Variants in KANSL1 observed in about 807,000 individuals in gnomAD.
KANSL1 encodes MLL1/MLL complex subunit KANSL1.
KANSL1 carries 22 observed loss-of-function variants against 103.6 expected under a neutral mutation model. The ratio of observed to expected loss-of-function variants is 0.21; its 90% confidence interval spans 0.15 to 0.30. The LOEUF (loss-of-function observed/expected upper bound fraction) is 0.30, where lower values mean the gene tolerates loss of function less well. Among genes scored for constraint, KANSL1 ranks in the 10% least tolerant of loss-of-function variants. The pLI is 1.00. For missense variants in KANSL1, 1,337 were observed against 1,399.8 expected, an observed-to-expected ratio of 0.96 and a Z score of 0.72; for synonymous variants, 600 against 527.6, an observed-to-expected ratio of 1.14 and a Z score of -1.88.
chr17:46,185,546 T>C (rs2046979652), intron 1 of KANSL1, among the ~76,000 whole-genome samples: 1 of 152,098 alleles, frequency 6.6e-6, no homozygotes, highest in Non-Finnish European at 1.5e-5. Flanking sequence ...AGAAATATTC[T>C]CATAGGTACT....
intron 1 of KANSL1, among the ~76,000 whole-genome samples, chr17:46,201,473 C>T (rs1178804037): frequency 6.6e-6 from 1 of 152,206 alleles, no homozygotes; most frequent in African/African-American, 2.4e-5. Flanking sequence ...TGAGTGCCAA[C>T]ATGACACCTC....
rs150318506 is a variant in KANSL1, at chr17:46,119,278, T to G, written c.1290-24577A>C. Among the ~76,000 whole-genome samples the G allele has an allele frequency of 2.5e-3, 376 of 152,112 alleles. 2 individuals carry two copies. Among genetic ancestry groups the G allele is most frequent in the African/African-American group, 7.9e-3 (327 of 41,480 alleles). On this transcript the variant is annotated intron_variant, in intron 2 of 14. Transcript: ENST00000432791. ...GAAGCAAGCACAGGTAAAATCTACA[T>G]CTGTATACGGGTAATCTGGCTCCAG...
intron 2 of KANSL1, among the ~76,000 whole-genome samples, chr17:46,106,783 T>G (rs2042585856): frequency 6.6e-6 from 1 of 152,166 alleles, no homozygotes. Flanking sequence ...AAAAATTAAT[T>G]TGTTAATAAA....
intron 4 of KANSL1, among the ~76,000 whole-genome samples, chr17:46,074,093 C>A (rs1474891195): frequency 3.3e-5 from 5 of 152,030 alleles, no homozygotes; most frequent in African/African-American, 1.2e-4. Context: ...TAACAATGAG[C>A]ACAACTAGTA....
intron 6 of KANSL1, 39 bp downstream of exon 6, chr17:46,066,498 C>G (rs754835983): frequency 5.3e-6 from 8 of 1,522,938 alleles, no homozygotes; most frequent in Non-Finnish European, 7.1e-6. Context: ...GAGCATCTGG[C>G]TCACTGCTTG....
At chr17:46,105,408 G>C (rs2042488772) in intron 2 of KANSL1, among the ~76,000 whole-genome samples, 1 of 152,114 alleles carries the variant, frequency 6.6e-6, no homozygotes, top group African/African-American at 2.4e-5. Flanking sequence ...CTTGAGGTCA[G>C]GAGTTCAAGA....
At chr17:46,090,882 G>A (rs1160240444) in intron 3 of KANSL1, among the ~76,000 whole-genome samples, 9 of 152,164 alleles carry the variant, frequency 5.9e-5, no homozygotes, top group African/African-American at 1.7e-4. Flanking sequence ...TGTACACTAA[G>A]AATATAATAG....
intron 2 of KANSL1, among the ~76,000 whole-genome samples, chr17:46,123,103 G>A (rs1009095080): frequency 5.9e-5 from 9 of 152,360 alleles, no homozygotes; most frequent in African/African-American, 1.4e-4. Context: ...GAGACGGGGC[G>A]CAGTGGCTCA....
intron 4 of KANSL1, among the ~76,000 whole-genome samples, chr17:46,080,196 A>G (rs2146801373): frequency 6.6e-6 from 1 of 151,528 alleles, no homozygotes; most frequent in Non-Finnish European, 1.5e-5. Context: ...TTTAAACTAC[A>G]AGTCTTCAAA....
chr17:46,149,627 G>A (rs1195920982), intron 2 of KANSL1, among the ~76,000 whole-genome samples: 1 of 152,184 alleles, frequency 6.6e-6, no homozygotes, highest in Non-Finnish European at 1.5e-5. Flanking sequence ...TGGCATACAG[G>A]GCATAGTCTG....
intron 6 of KANSL1, 100 bp from the exon 7 acceptor site, chr17:46,050,804 T>C (rs2077686380): frequency 1.3e-5 from 13 of 1,013,048 alleles, no homozygotes; most frequent in Non-Finnish European, 1.7e-5. Context: ...AGCTCCCCAT[T>C]TGTTATTGCG....
At chr17:46,202,070 T>C (rs573398117) in intron 1 of KANSL1, among the ~76,000 whole-genome samples, 1 of 152,132 alleles carries the variant, frequency 6.6e-6, no homozygotes, top group Admixed American at 6.5e-5. Context: ...ACCAGCTACC[T>C]GGGAGGCTGA....
At chr17:46,114,379 A>T (rs531619256) in intron 2 of KANSL1, among the ~76,000 whole-genome samples, 1 of 152,134 alleles carries the variant, frequency 6.6e-6, no homozygotes, top group Non-Finnish European at 1.5e-5. Context: ...AAACAAAAAA[A>T]CTAAAACATC....
At chr17:46,199,369 A>G (rs988859973) in intron 1 of KANSL1, among the ~76,000 whole-genome samples, 1 of 152,268 alleles carries the variant, frequency 6.6e-6, no homozygotes, top group Admixed American at 6.5e-5. Flanking sequence ...ATTTAGCCAA[A>G]TGCAAGTAGA....
intron 2 of KANSL1, among the ~76,000 whole-genome samples, chr17:46,128,449 A>G (rs1197371090): frequency 1.3e-5 from 2 of 152,242 alleles, no homozygotes; most frequent in Non-Finnish European, 2.9e-5. Flanking sequence ...AAAAAGCCAA[A>G]AAAAAGTGTG....
intron 4 of KANSL1, among the ~76,000 whole-genome samples, chr17:46,069,427 A>C (rs1303161424): frequency 6.6e-6 from 1 of 152,202 alleles, no homozygotes; most frequent in Non-Finnish European, 1.5e-5. Flanking sequence ...TGAACCTGAA[A>C]GTAGTCCTAG....
intron 1 of KANSL1, among the ~76,000 whole-genome samples, chr17:46,186,966 C>T (rs2047065605): frequency 6.6e-6 from 1 of 152,110 alleles, no homozygotes; most frequent in Non-Finnish European, 1.5e-5. Context: ...AAACTCCTGA[C>T]CTCAGGTGAT....
At chr17:46,168,492 C>T (rs773168294) in intron 2 of KANSL1, among the ~76,000 whole-genome samples, 15 of 152,102 alleles carry the variant, frequency 9.9e-5, no homozygotes, top group Admixed American at 1.3e-4. Flanking sequence ...GATGTAGAGG[C>T]GTGTGCCACC....
intron 6 of KANSL1, among the ~76,000 whole-genome samples, chr17:46,057,562 T>C (rs982443639): frequency 6.6e-6 from 1 of 152,152 alleles, no homozygotes; most frequent in African/African-American, 2.4e-5. Context: ...ACAAACAGTT[T>C]AGTCATTACG....
Sources: gnomAD v4.1 joint callset for allele counts (sites outside exome capture counted in the v4.1 genomes callset) on GRCh38, gnomAD v4.1.1 for gene constraint, MANE v1.5 for transcripts, NCBI Gene and HGNC (gene_info 2026-07-23, HGNC 2026-07-21) for gene names.